GPLD1: variants seen among roughly 807,000 people sequenced by gnomAD.
GPLD1 encodes the protein glycosylphosphatidylinositol specific phospholipase D1.
Under a neutral mutation model 112.6 loss-of-function variants are expected in GPLD1, and 84 were observed. That is an observed-to-expected ratio of 0.75 (90% confidence interval 0.63 to 0.89). The LOEUF is 0.89. GPLD1 is among the 40% of genes least tolerant of loss of function. GPLD1 has a pLI of 0.00. For synonymous variants in GPLD1, 386 were observed against 403.8 expected (o/e 0.96, Z 0.53); for missense variants, 1,044 against 1,051.5 (o/e 0.99, Z 0.10).
rs116789689 is a variant in GPLD1 at position 24,489,505 on chromosome 6, C to G, written c.7G>C (p.Ala3Pro). 0.021 allele frequency: 33,729 copies of G among 1,613,650 alleles called. 454 individuals carry two copies. Among genetic ancestry groups the G allele is most frequent in the South Asian group, 0.037 (3,406 of 91,038 alleles). The change falls in exon 1 of 25, where the codon GCT becomes CCT. Residue 3 changes from alanine (A) to proline (P), a missense_variant. Transcript: ENST00000230036. MS[A>P]FRLWPGLLIM... is the part of the protein sequence containing the mutation. Reference sequence around the variant, plus strand: ...AGCAGGCCAGGCCACAACCTGAAAGCAGACATGATCTCATTGCCCACCGGC... The same window carrying G: ...AGCAGGCCAGGCCACAACCTGAAAGGAGACATGATCTCATTGCCCACCGGC...
At chr6:24,458,446 A>G (rs1247574646) in intron 12 of GPLD1, among the ~76,000 whole-genome samples, 3 of 152,138 alleles carry the variant, frequency 2.0e-5, no homozygotes, top group Non-Finnish European at 2.9e-5. Flanking sequence ...TAGACAATTC[A>G]TTTTTTTGCA....
chr6:24,429,130 A>C lies in GPLD1; in HGVS notation c.2437-12T>G. 1 of 1,580,132 alleles carries C rather than the reference A, an allele frequency of 6.3e-7. No homozygotes were observed. On this transcript the variant is annotated splice_polypyrimidine_tract_variant and intron_variant, in intron 24 of 24. Transcript: ENST00000230036. Reference sequence around the variant, plus strand: ...ATGACGACTTGGTTCTGTAAGGGACACAAGACAGAATTCATGGCTCATTCA... The same window carrying C: ...ATGACGACTTGGTTCTGTAAGGGACCCAAGACAGAATTCATGGCTCATTCA...
At chr6:24,476,411 G>A (rs1308411613) in intron 3 of GPLD1, 133 bp from the exon 4 acceptor site, 5 of 591,662 alleles carry the variant, frequency 8.5e-6, no homozygotes, top group South Asian at 2.1e-5. Context: ...TTCTTCTGTC[G>A]ACTTTCAAAA....
intron 17 of GPLD1, among the ~76,000 whole-genome samples, chr6:24,447,269 G>A (rs547586485): frequency 1.4e-3 from 208 of 152,266 alleles, no homozygotes; most frequent in Admixed American, 2.7e-3. Context: ...ACTTTGGGAC[G>A]CCGAGGTGGG....
rs370082506 is a variant in GPLD1, at chr6:24,454,090, G to A, written c.1260C>T (p.Tyr420=). Residue 420 remains tyrosine (Y), a synonymous_variant, in exon 14 of 25, where the codon TAC becomes TAT. Coordinates refer to ENST00000230036, the MANE Select transcript of GPLD1 (RefSeq NM_001503.4). ...CAGGTGGCAGGCCCAGGTCATTGCC[G>A]TAGATGAGGTACACGCGCCCGATGT... is the stretch of plus-strand genomic sequence containing the variant. ...HIHIGRVYLI[Y]GNDLGLPPVD... The A allele has an allele frequency of 1.0e-4, 166 of 1,613,888 alleles. 1 individual carries two copies. The Middle Eastern group carries it at 1.2e-3, about 11-fold the overall frequency.
rs201965074 is a variant in GPLD1, at chr6:24,460,446, C to T, written c.888-47G>A. The T allele has an allele frequency of 2.2e-3, 3,555 of 1,599,464 alleles. 4 individuals are homozygous for T. The highest frequency in any genetic ancestry group is 2.8e-3 in the Non-Finnish European group (3,306 of 1,173,244). On this transcript the variant is annotated intron_variant, in intron 11 of 24. Coordinates refer to ENST00000230036, the MANE Select transcript of GPLD1 (RefSeq NM_001503.4). ...AAACTGGTTACGACTGAGAAAACAA[C>T]CCCCTGTAAAACTGAGTTGAAGAAT... is the stretch of plus-strand genomic sequence containing the variant.
exon 1 of GPLD1, chr6:24,495,007 G>C: frequency 3.8e-6 from 5 of 1,325,140 alleles, no homozygotes; most frequent in Non-Finnish European, 3.8e-6. Context: ...ATGGCGACCT[G>C]CATTTGGCTG....
In GPLD1 at chr6:24,427,034, A is replaced by G. The variant is rs1418263466; in HGVS notation, c.*1998T>C. Among the ~76,000 whole-genome samples the G allele has an allele frequency of 6.6e-6, 1 of 152,066 alleles. No individual in the cohort carries two copies. ...CCCTTTTCACCAGTCTCTACTCTTG[A>G]GAGAAGCTGAGAAGAGAAGGGCTCT... On this transcript the variant is annotated 3_prime_UTR_variant, in exon 25 of 25. Coordinates refer to ENST00000230036, the MANE Select transcript of GPLD1 (RefSeq NM_001503.4).
intron 15 of GPLD1, among the ~76,000 whole-genome samples, chr6:24,448,985 A>C (rs942677943): frequency 6.6e-6 from 1 of 152,100 alleles, no homozygotes; most frequent in African/African-American, 2.4e-5. Context: ...TATGACACCC[A>C]GGGAAGAAGG....
chr6:24,477,751 TA>T (rs11374680), intron 3 of GPLD1, among the ~76,000 whole-genome samples: 4 of 151,484 alleles, frequency 2.6e-5, no homozygotes, highest in Non-Finnish European at 5.9e-5. Context: ...AAAATAACTT[TA>T]AAAAAAAGGT....
At chr6:24,456,923 T>G (rs1763285965) in intron 12 of GPLD1, among the ~76,000 whole-genome samples, 1 of 152,014 alleles carries the variant, frequency 6.6e-6, no homozygotes. Flanking sequence ...CAGGCTGGAG[T>G]GCAGTGGCAC....
At chr6:24,457,468 G>A in intron 12 of GPLD1, among the ~76,000 whole-genome samples, 1 of 152,118 alleles carries the variant, frequency 6.6e-6, no homozygotes, top group Non-Finnish European at 1.5e-5. Context: ...GCAACAGAAT[G>A]AGACTCTGTC....
intron 20 of GPLD1, among the ~76,000 whole-genome samples, chr6:24,437,871 C>G (rs1299838003): frequency 6.6e-6 from 1 of 152,222 alleles, no homozygotes; most frequent in Non-Finnish European, 1.5e-5. Context: ...CAGGTGTCCC[C>G]TCCTCTGGGA....
intron 21 of GPLD1, 54 bp downstream of exon 21, chr6:24,437,059 A>AC: frequency 1.3e-6 from 2 of 1,514,494 alleles, no homozygotes; most frequent in South Asian, 2.3e-5. Context: ...TAGGGGACCC[A>AC]CCCCCTGGGC....
chr6:24,485,789 C>G (rs1764353425), intron 2 of GPLD1, among the ~76,000 whole-genome samples: 1 of 151,986 alleles, frequency 6.6e-6, no homozygotes, highest in South Asian at 2.1e-4. Context: ...CCTGCCTCAG[C>G]CTCCCGAATA....
intron 1 of GPLD1, chr6:24,494,773 A>G (rs1764647126): frequency 2.4e-6 from 1 of 421,508 alleles, no homozygotes; most frequent in African/African-American, 2.1e-5. Flanking sequence ...CCAGGAGAGA[A>G]GCCGCGCGGC....
intron 2 of GPLD1, among the ~76,000 whole-genome samples, chr6:24,485,364 C>A (rs1764335751): frequency 6.6e-6 from 1 of 152,040 alleles, no homozygotes. Context: ...ATAGCGAGAC[C>A]CCCATCTCTA....
At chr6:24,465,042 C>CA (rs1386044415) in intron 10 of GPLD1, among the ~76,000 whole-genome samples, 1 of 151,294 alleles carries the variant, frequency 6.6e-6, no homozygotes, top group Non-Finnish European at 1.5e-5. Flanking sequence ...ACAAAAAATA[C>CA]AAAAATTAGC....
In GPLD1 at chr6:24,426,515, C is replaced by T. The variant is rs910769403; in HGVS notation, c.*2517G>A. Reference sequence around the variant, plus strand: ...CATTTTTGTGGGTCTTAACCTCCACCTGGTGCTTGCTATTGGGTGTATTCA... The same window carrying T: ...CATTTTTGTGGGTCTTAACCTCCACTTGGTGCTTGCTATTGGGTGTATTCA... On this transcript the variant is annotated 3_prime_UTR_variant, in exon 25 of 25. Coordinates refer to ENST00000230036, the MANE Select transcript of GPLD1 (RefSeq NM_001503.4). Among the ~76,000 whole-genome samples, 1 of 152,134 alleles carries T rather than the reference C, an allele frequency of 6.6e-6. No homozygotes were observed. The highest frequency in any genetic ancestry group is 1.5e-5 in the Non-Finnish European group (1 of 68,024).
Sources: allele counts gnomAD v4.1 joint callset (sites outside exome capture counted in the v4.1 genomes callset), GRCh38; gene constraint gnomAD v4.1.1; transcripts MANE v1.5; gene names NCBI Gene and HGNC (gene_info 2026-07-23, HGNC 2026-07-21).